The following ATRNL1 variants were observed in gnomAD, a reference collection of about 807,000 sequenced individuals.
The protein encoded by ATRNL1 is attractin like 1.
Under a neutral mutation model 182.7 loss-of-function variants are expected in ATRNL1, and 95 were observed. The ratio of observed to expected loss-of-function variants is 0.52; its 90% CI spans 0.44 to 0.62. The LOEUF (loss-of-function observed/expected upper bound fraction) is 0.62, where lower values mean the gene tolerates loss of function less well. ATRNL1 is among the 20% of genes least tolerant of loss of function. The pLI, the probability that ATRNL1 is intolerant of heterozygous loss-of-function variation, is 0.00. For synonymous variants in ATRNL1, 576 were observed against 568.3 expected, an observed-to-expected ratio of 1.01 and a Z score of -0.19; for missense variants, 1,471 against 1,679.5, an observed-to-expected ratio of 0.88 and a Z score of 2.17.
At chr10:115,164,533 A>T (rs1031791889) in intron 6 of ATRNL1, among the ~76,000 whole-genome samples, 1 of 152,132 alleles carries the variant, frequency 6.6e-6, no homozygotes, top group Non-Finnish European at 1.5e-5. Context: ...GCACTCTCAG[A>T]TTTATTGCAG....
chr10:115,427,206 C>T (rs182151944), intron 21 of ATRNL1, among the ~76,000 whole-genome samples: 1 of 152,302 alleles, frequency 6.6e-6, no homozygotes, highest in East Asian at 1.9e-4. Flanking sequence ...TTTTAATTTG[C>T]ACTTTCCTAA....
At chr10:115,159,972 T>G in intron 5 of ATRNL1, 68 bp from the exon 6 acceptor site, 1 of 1,143,754 alleles carries the variant, frequency 8.7e-7, no homozygotes, top group Non-Finnish European at 1.2e-6. Context: ...TCTTAATCCA[T>G]ATGTTGTATT....
intron 24 of ATRNL1, among the ~76,000 whole-genome samples, chr10:115,483,163 G>A (rs10885723): frequency 0.39 from 59,239 of 150,768 alleles, 12,550 homozygotes; most frequent in Middle Eastern, 0.49. Flanking sequence ...GATCTCCTAT[G>A]GAAAGACATC....
At chr10:115,407,906 T>C (rs2134325894) in intron 20 of ATRNL1, among the ~76,000 whole-genome samples, 1 of 152,116 alleles carries the variant, frequency 6.6e-6, no homozygotes, top group East Asian at 1.9e-4. Flanking sequence ...TATTTTTGTC[T>C]TAAAAAGACA....
At chr10:115,903,816 A>G (rs112677418) in intron 28 of ATRNL1, among the ~76,000 whole-genome samples, 1 of 125,798 alleles carries the variant, frequency 7.9e-6, no homozygotes, top group Non-Finnish European at 1.9e-5. Flanking sequence ...GCTGGAGGAG[A>G]AGGAGAAGGC....
At chr10:115,872,220 T>C (rs1951601931) in intron 28 of ATRNL1, among the ~76,000 whole-genome samples, 1 of 152,236 alleles carries the variant, frequency 6.6e-6, no homozygotes, top group African/African-American at 2.4e-5. Flanking sequence ...TCCTAGCCTT[T>C]CTATGTCATT....
intron 18 of ATRNL1, 107 bp downstream of exon 18, chr10:115,315,843 G>A: frequency 2.3e-6 from 2 of 858,306 alleles, no homozygotes; most frequent in Non-Finnish European, 3.5e-6. Context: ...AAAGCAGAAT[G>A]AAAATGAGAC....
chr10:115,732,279 T>C (rs1167765546), intron 27 of ATRNL1, among the ~76,000 whole-genome samples: 2 of 152,192 alleles, frequency 1.3e-5, no homozygotes, highest in Non-Finnish European at 2.9e-5. Flanking sequence ...TGAAAATCAA[T>C]TTACCATAAC....
intron 28 of ATRNL1, among the ~76,000 whole-genome samples, chr10:115,921,871 A>G (rs1164716424): frequency 2.0e-5 from 3 of 152,258 alleles, no homozygotes; most frequent in African/African-American, 7.2e-5. Flanking sequence ...TGGAAAATAA[A>G]AACAGATTAA....
chr10:115,561,690 G>GGGGGGTGTGTGTGTGTGT (rs1554999705), intron 26 of ATRNL1, among the ~76,000 whole-genome samples: 6 of 50,506 alleles, frequency 1.2e-4, no homozygotes, highest in African/African-American at 4.2e-4. Context: ...TGTGTGTGTG[G>GGGGGGTGTGTGTGTGTGT]GTGTGTGTGT....
At chr10:115,653,827 C>T (rs1268339805) in intron 26 of ATRNL1, among the ~76,000 whole-genome samples, 1 of 152,146 alleles carries the variant, frequency 6.6e-6, no homozygotes, top group Non-Finnish European at 1.5e-5. Context: ...TCATAGCAGA[C>T]ACAAAATAAA....
At chr10:115,364,847 G>A (rs1240887992) in intron 19 of ATRNL1, among the ~76,000 whole-genome samples, 11 of 150,336 alleles carry the variant, frequency 7.3e-5, no homozygotes, top group Admixed American at 6.0e-4. Context: ...TATTGAACCA[G>A]CCTTGCATCC....
intron 16 of ATRNL1, among the ~76,000 whole-genome samples, chr10:115,300,721 G>T (rs970985723): frequency 6.6e-6 from 1 of 151,948 alleles, no homozygotes; most frequent in African/African-American, 2.4e-5. Context: ...TTTTTATCAT[G>T]GTAAAATGTA....
At chr10:115,401,309 A>C (rs1277113901) in intron 20 of ATRNL1, among the ~76,000 whole-genome samples, 1 of 152,096 alleles carries the variant, frequency 6.6e-6, no homozygotes, top group African/African-American at 2.4e-5. Flanking sequence ...CTTAGTTCAT[A>C]ATTAAAATGG....
intron 18 of ATRNL1, among the ~76,000 whole-genome samples, chr10:115,323,929 C>A (rs1291260878): frequency 2.6e-5 from 4 of 151,912 alleles, no homozygotes; most frequent in Non-Finnish European, 1.5e-5. Flanking sequence ...AGGCGCCTGC[C>A]ACGACGCCTG....
At chr10:115,526,038 G>A (rs1241791145) in intron 25 of ATRNL1, among the ~76,000 whole-genome samples, 3 of 152,100 alleles carry the variant, frequency 2.0e-5, no homozygotes, top group African/African-American at 7.2e-5. Context: ...TTTGTGAGGG[G>A]GCACCTGTTA....
intron 19 of ATRNL1, among the ~76,000 whole-genome samples, chr10:115,380,059 T>TGACTTTGTGATCCGCC (rs1857909689): frequency 6.6e-6 from 1 of 152,098 alleles, no homozygotes; most frequent in African/African-American, 2.4e-5. Context: ...CTCGATCTGC[T>TGACTTTGTGATCCGCC]GACTTTGTGA....
chr10:115,820,989 T>G (rs1432672325), intron 27 of ATRNL1, among the ~76,000 whole-genome samples: 2 of 151,996 alleles, frequency 1.3e-5, no homozygotes, highest in African/African-American at 4.8e-5. Context: ...TCTCATGGTT[T>G]TGTAAGGGGC....
chr10:115,351,578 A>G (rs1554941331), intron 19 of ATRNL1, among the ~76,000 whole-genome samples: 1 of 152,082 alleles, frequency 6.6e-6, no homozygotes, highest in African/African-American at 2.4e-5. Context: ...GATGTATCAC[A>G]TTTATCGATT....
Sources: allele counts gnomAD v4.1 joint callset (sites outside exome capture counted in the v4.1 genomes callset), GRCh38; gene constraint gnomAD v4.1.1; transcripts MANE v1.5; gene names NCBI Gene and HGNC (gene_info 2026-07-23, HGNC 2026-07-21).